LRBA: variants seen among roughly 807,000 people sequenced by gnomAD.
The protein encoded by LRBA is lipopolysaccharide-responsive and beige-like anchor protein.
LRBA carries 176 observed loss-of-function variants against 330.0 expected under a neutral mutation model. The ratio of observed to expected loss-of-function variants is 0.53; its 90% confidence interval spans 0.47 to 0.60. The LOEUF is 0.60. LRBA is among the 20% of genes least tolerant of loss of function. LRBA has a pLI of 0.00. For missense variants in LRBA, 3,259 were observed against 3,444.8 expected (o/e 0.95, Z 1.35); for synonymous variants, 1,230 against 1,193.0 (o/e 1.03, Z -0.64).
At chr4:150,882,489 A>C (rs964792620) in intron 17 of LRBA, among the ~76,000 whole-genome samples, 2 of 152,220 alleles carry the variant, frequency 1.3e-5, no homozygotes, top group Admixed American at 1.3e-4. Flanking sequence ...GGAAATAAAG[A>C]AAAGTGTAAG....
At chr4:150,663,227 G>A (rs542537721) in intron 37 of LRBA, among the ~76,000 whole-genome samples, 28 of 152,150 alleles carry the variant, frequency 1.8e-4, no homozygotes, top group African/African-American at 4.6e-4. Flanking sequence ...GGGAACTACC[G>A]TTTCAGAGAA....
At chr4:150,980,787 T>TAATTAAAA in intron 2 of LRBA, among the ~76,000 whole-genome samples, 1 of 152,278 alleles carries the variant, frequency 6.6e-6, no homozygotes, top group East Asian at 1.9e-4. Context: ...TCAGTAAAGT[T>TAATTAAAA]GTAGAATACA....
intron 40 of LRBA, among the ~76,000 whole-genome samples, chr4:150,560,305 G>C (rs897330847): frequency 5.3e-5 from 8 of 151,966 alleles, no homozygotes; most frequent in Non-Finnish European, 1.0e-4. Flanking sequence ...TTAATGGCAG[G>C]TAAATCTGTT....
chr4:150,276,113 C>T (rs1361191520), intron 56 of LRBA, among the ~76,000 whole-genome samples: 1 of 152,108 alleles, frequency 6.6e-6, no homozygotes, highest in Admixed American at 6.6e-5. Context: ...GAACAGAGGC[C>T]TCAGAAATAA....
intron 47 of LRBA, among the ~76,000 whole-genome samples, chr4:150,398,966 C>T (rs1435534622): frequency 6.6e-6 from 1 of 151,854 alleles, no homozygotes. Context: ...TCCTATACTG[C>T]CAAATATAAA....
chr4:150,624,935 A>C (rs1776700981), intron 37 of LRBA, among the ~76,000 whole-genome samples: 1 of 152,218 alleles, frequency 6.6e-6, no homozygotes, highest in Admixed American at 6.5e-5. Context: ...TCCTGAAGTG[A>C]TTTTCAGAAA....
intron 4 of LRBA, among the ~76,000 whole-genome samples, chr4:150,927,799 G>C (rs774497447): frequency 6.6e-6 from 1 of 152,150 alleles, no homozygotes; most frequent in Non-Finnish European, 1.5e-5. Context: ...TGGAGTTTGA[G>C]AGAAATATGC....
chr4:150,395,189 C>T (rs1744560383), intron 47 of LRBA, among the ~76,000 whole-genome samples: 1 of 151,982 alleles, frequency 6.6e-6, no homozygotes, highest in African/African-American at 2.4e-5. Flanking sequence ...TATCATCTAT[C>T]CTATTATTTA....
intron 2 of LRBA, among the ~76,000 whole-genome samples, chr4:150,932,647 G>C (rs1229735487): frequency 6.6e-6 from 1 of 152,130 alleles, no homozygotes; most frequent in Non-Finnish European, 1.5e-5. Context: ...TGGGTACGTT[G>C]GCGCACACCT....
chr4:150,557,746 G>A (rs539367995), intron 40 of LRBA, among the ~76,000 whole-genome samples: 38 of 152,210 alleles, frequency 2.5e-4, no homozygotes, highest in South Asian at 8.3e-4. Context: ...AGTGCCATCC[G>A]CATCACATCA....
chr4:150,348,434 C>A (rs1043562286), intron 48 of LRBA, among the ~76,000 whole-genome samples: 3 of 152,130 alleles, frequency 2.0e-5, no homozygotes, highest in Non-Finnish European at 2.9e-5. Flanking sequence ...AGCATATTTT[C>A]ACAGCAACTC....
At chr4:150,768,006 G>A (rs1220223714) in intron 34 of LRBA, among the ~76,000 whole-genome samples, 5 of 145,802 alleles carry the variant, frequency 3.4e-5, no homozygotes, top group Admixed American at 2.1e-4. Flanking sequence ...AGAGGTTGCA[G>A]TGAGCCAAGA....
At chr4:150,727,575 T>A (rs1302610826) in intron 36 of LRBA, among the ~76,000 whole-genome samples, 1 of 152,114 alleles carries the variant, frequency 6.6e-6, no homozygotes, top group Non-Finnish European at 1.5e-5. Flanking sequence ...TTAAAAACTA[T>A]ACAAATATAT....
At chr4:150,343,482 G>A (rs772782490) in intron 48 of LRBA, among the ~76,000 whole-genome samples, 1 of 152,086 alleles carries the variant, frequency 6.6e-6, no homozygotes, top group African/African-American at 2.4e-5. Flanking sequence ...TGAACAAAAC[G>A]AATATTTGTT....
At chr4:150,278,215 G>C (rs914318406) in intron 55 of LRBA, among the ~76,000 whole-genome samples, 3 of 152,236 alleles carry the variant, frequency 2.0e-5, no homozygotes, top group African/African-American at 7.2e-5. Context: ...GATTGTTTTG[G>C]CTTTGCTTTT....
At chr4:150,783,849 T>C (rs1412137543) in intron 34 of LRBA, among the ~76,000 whole-genome samples, 5 of 152,098 alleles carry the variant, frequency 3.3e-5, no homozygotes, top group Non-Finnish European at 4.4e-5. Flanking sequence ...TAAATGAAAA[T>C]AAAACAGCTA....
chr4:150,683,855 TTTAGTGATCTGCTGTCTCAATAAAA>T (rs1783272848), intron 36 of LRBA, 138 bp from the exon 37 acceptor site: 1 of 607,872 alleles, frequency 1.6e-6, no homozygotes, highest in African/African-American at 1.9e-5. Flanking sequence ...CTAACTGAGA[TTTAGTGATCTGCTGTCTCAATAAAA>T]CATCCCACAA....
intron 36 of LRBA, 98 bp from the exon 37 acceptor site, chr4:150,683,815 T>A: frequency 1.2e-6 from 1 of 855,160 alleles, no homozygotes; most frequent in Non-Finnish European, 1.8e-6. Context: ...CAACCAAAAT[T>A]TTAAATCTAC....
intron 2 of LRBA, among the ~76,000 whole-genome samples, chr4:151,012,070 A>G (rs1393913958): frequency 6.6e-6 from 1 of 152,146 alleles, no homozygotes; most frequent in African/African-American, 2.4e-5. Context: ...ACTGCTACCT[A>G]ATATTCTCAG....
Sources: allele counts gnomAD v4.1 joint callset (sites outside exome capture counted in the v4.1 genomes callset), GRCh38; gene constraint gnomAD v4.1.1; transcripts MANE v1.5; gene names NCBI Gene and HGNC (gene_info 2026-07-23, HGNC 2026-07-21).